Variants in IMMP2L observed in about 807,000 individuals in gnomAD.
The protein encoded by IMMP2L is inner mitochondrial membrane peptidase subunit 2.
IMMP2L carries 18 observed loss-of-function variants against 19.3 expected under a neutral mutation model. That is an observed-to-expected ratio of 0.93 (90% confidence interval 0.64 to 1.38). The LOEUF is 1.38. Among genes scored for constraint, IMMP2L ranks in the 40% most tolerant of loss-of-function variants. The pLI is 0.00. For synonymous variants in IMMP2L, 76 were observed against 73.0 expected, an observed-to-expected ratio of 1.04 and a Z score of -0.21; for missense variants, 233 against 218.2, an observed-to-expected ratio of 1.07 and a Z score of -0.43.
chr7:111,398,583 C>T (rs1189167065), intron 3 of IMMP2L, among the ~76,000 whole-genome samples: 1 of 151,948 alleles, frequency 6.6e-6, no homozygotes, highest in Non-Finnish European at 1.5e-5. Context: ...GATGCCCCCT[C>T]CCACCACTTC....
intron 1 of IMMP2L, among the ~76,000 whole-genome samples, chr7:111,536,658 T>C (rs1490339558): frequency 6.6e-6 from 1 of 152,130 alleles, no homozygotes; most frequent in African/African-American, 2.4e-5. Flanking sequence ...CAGAAATTTG[T>C]TAGAAAAGAA....
At chr7:110,839,624 G>A (rs1804856886) in intron 5 of IMMP2L, among the ~76,000 whole-genome samples, 1 of 151,970 alleles carries the variant, frequency 6.6e-6, no homozygotes, top group Non-Finnish European at 1.5e-5. Flanking sequence ...TTAAACGTGT[G>A]CACATATATT....
chr7:111,089,428 A>G (rs1209691099), intron 3 of IMMP2L, among the ~76,000 whole-genome samples: 1 of 152,126 alleles, frequency 6.6e-6, no homozygotes, highest in Non-Finnish European at 1.5e-5. Flanking sequence ...ACAAATAATT[A>G]TCACAATTTT....
rs539202092 is a variant in IMMP2L at position 111,310,380 on chromosome 7, A to G, written c.239+176858T>C. 1.8e-4 allele frequency among the ~76,000 whole-genome samples: 28 copies of G among 152,192 alleles called. No individual in the cohort carries two copies. In the South Asian group the frequency reaches 2.3e-3, roughly 12 times the overall value. ...GAACCTCTCATTTTCAATTTGGCACATAAGATAAGGGAAACGTAGGGAGAC... is the reference window on the plus strand; with the variant it reads ...GAACCTCTCATTTTCAATTTGGCACGTAAGATAAGGGAAACGTAGGGAGAC... On this transcript the variant is annotated intron_variant, in intron 3 of 5. Coordinates refer to ENST00000405709, the MANE Select transcript of IMMP2L (RefSeq NM_032549.4).
At chr7:111,416,539 C>T (rs1251930734) in intron 3 of IMMP2L, among the ~76,000 whole-genome samples, 1 of 151,708 alleles carries the variant, frequency 6.6e-6, no homozygotes, top group Non-Finnish European at 1.5e-5. Context: ...TTTGGAGATG[C>T]CTTATTAAAT....
intron 4 of IMMP2L, among the ~76,000 whole-genome samples, chr7:110,927,774 A>T (rs2129551272): frequency 6.6e-6 from 1 of 152,258 alleles, no homozygotes; most frequent in South Asian, 2.1e-4. Flanking sequence ...ATAAATTTGT[A>T]TTAAGTCATT....
At chr7:110,669,108 TAGAGAGAGAGAG>T (rs1439111205) in intron 5 of IMMP2L, among the ~76,000 whole-genome samples, 1 of 142,016 alleles carries the variant, frequency 7.0e-6, no homozygotes, top group Non-Finnish European at 1.5e-5. Flanking sequence ...TATATATATA[TAGAGAGAGAGAG>T]AGAGAAAGAG....
intron 3 of IMMP2L, among the ~76,000 whole-genome samples, chr7:111,402,897 A>G (rs1226014594): frequency 6.6e-6 from 1 of 151,166 alleles, no homozygotes; most frequent in Non-Finnish European, 1.5e-5. Flanking sequence ...ATGTCTATTT[A>G]CATCTATTCT....
intron 2 of IMMP2L, among the ~76,000 whole-genome samples, chr7:111,496,067 A>C: frequency 6.6e-6 from 1 of 152,162 alleles, no homozygotes; most frequent in East Asian, 1.9e-4. Context: ...AGACTTTTTA[A>C]CACTGCAGCA....
intron 3 of IMMP2L, among the ~76,000 whole-genome samples, chr7:111,111,942 G>GTTTTTTTTTTTTT (rs748410980): frequency 5.9e-5 from 5 of 84,110 alleles, no homozygotes; most frequent in African/African-American, 1.5e-4. Flanking sequence ...TATATAGTTT[G>GTTTTTTTTTTTTT]TTTTTTTTTT....
intron 3 of IMMP2L, among the ~76,000 whole-genome samples, chr7:111,164,369 T>G (rs540629100): frequency 6.0e-5 from 9 of 150,556 alleles, no homozygotes; most frequent in Non-Finnish European, 1.2e-4. Context: ...GAGGGAGTCC[T>G]GTCACTAAGT....
At chr7:111,554,560 T>TAC (rs1791042892) in intron 1 of IMMP2L, among the ~76,000 whole-genome samples, 1 of 152,124 alleles carries the variant, frequency 6.6e-6, no homozygotes, top group African/African-American at 2.4e-5. Context: ...GCATCTATCT[T>TAC]ACCTTGAACT....
intron 3 of IMMP2L, among the ~76,000 whole-genome samples, chr7:111,000,054 T>C (rs570640502): frequency 6.6e-6 from 1 of 152,188 alleles, no homozygotes; most frequent in Non-Finnish European, 1.5e-5. Flanking sequence ...TGATTTTGTA[T>C]GGAAGAGCCA....
intron 3 of IMMP2L, among the ~76,000 whole-genome samples, chr7:111,179,108 T>C (rs975667550): frequency 2.6e-5 from 4 of 152,170 alleles, no homozygotes; most frequent in African/African-American, 9.6e-5. Flanking sequence ...AATGTTGTGT[T>C]AGCAGGCATG....
At chr7:110,723,734 A>T (rs1221974684) in intron 5 of IMMP2L, among the ~76,000 whole-genome samples, 1 of 152,208 alleles carries the variant, frequency 6.6e-6, no homozygotes, top group Non-Finnish European at 1.5e-5. Context: ...CCATGGAGCC[A>T]AATGAATTAG....
At chr7:111,064,140 C>A (rs927288432) in intron 3 of IMMP2L, among the ~76,000 whole-genome samples, 4 of 152,130 alleles carry the variant, frequency 2.6e-5, no homozygotes, top group Non-Finnish European at 5.9e-5. Flanking sequence ...CTGTGGAAGA[C>A]AACACAATCA....
At chr7:111,396,853 G>A (rs571766433) in intron 3 of IMMP2L, among the ~76,000 whole-genome samples, 79 of 152,136 alleles carry the variant, frequency 5.2e-4, no homozygotes, top group Admixed American at 2.7e-3. Flanking sequence ...GGGAGGCCGA[G>A]GAGGGCGGAT....
intron 3 of IMMP2L, among the ~76,000 whole-genome samples, chr7:111,117,796 G>C (rs1177994619): frequency 1.3e-5 from 2 of 151,918 alleles, no homozygotes; most frequent in Admixed American, 1.3e-4. Context: ...GGAAAAACTG[G>C]GTTTTAATGT....
At chr7:111,307,954 G>T (rs1823058700) in intron 3 of IMMP2L, among the ~76,000 whole-genome samples, 1 of 151,802 alleles carries the variant, frequency 6.6e-6, no homozygotes, top group Non-Finnish European at 1.5e-5. Context: ...GAATATAATT[G>T]AACACTTTAA....
Sources: gnomAD v4.1 joint callset for allele counts (sites outside exome capture counted in the v4.1 genomes callset) on GRCh38, gnomAD v4.1.1 for gene constraint, MANE v1.5 for transcripts, NCBI Gene and HGNC (gene_info 2026-07-23, HGNC 2026-07-21) for gene names.